INPP5A: variants seen among roughly 807,000 people sequenced by gnomAD.
INPP5A encodes the protein 43 kDa inositol polyphosphate 5-phophatase.
INPP5A carries 14 observed loss-of-function variants against 65.2 expected under a neutral mutation model. The observed-to-expected ratio is 0.21, with a 90% CI of 0.14 to 0.34. INPP5A has a LOEUF of 0.34. Among genes scored for constraint, INPP5A ranks in the 10% least tolerant of loss-of-function variants. The pLI, the probability that INPP5A is intolerant of heterozygous loss-of-function variation, is 1.00. For missense variants in INPP5A, 431 were observed against 545.6 expected (o/e 0.79, Z 2.09); for synonymous variants, 207 against 208.3 (o/e 0.99, Z 0.05).
At chr10:132,768,317 G>A (rs183209274) in intron 12 of INPP5A, among the ~76,000 whole-genome samples, 2 of 141,508 alleles carry the variant, frequency 1.4e-5, no homozygotes, top group Non-Finnish European at 3.0e-5. Context: ...GGGTGCCCAC[G>A]CGCCCAGTTG....
chr10:132,764,860 C>T (rs1846810600), intron 11 of INPP5A, among the ~76,000 whole-genome samples: 1 of 141,894 alleles, frequency 7.0e-6, no homozygotes, highest in East Asian at 2.1e-4. Context: ...CCGGGTCAGT[C>T]CTGCTGTGGT....
intron 2 of INPP5A, among the ~76,000 whole-genome samples, chr10:132,641,601 G>A (rs2072428259): frequency 6.6e-6 from 1 of 152,222 alleles, no homozygotes. Context: ...TAACTCACCT[G>A]CAGTCTGTTC....
chr10:132,719,011 CG>C (rs1845804462), intron 8 of INPP5A, among the ~76,000 whole-genome samples: 1 of 145,286 alleles, frequency 6.9e-6, no homozygotes, highest in African/African-American at 2.6e-5. Context: ...GCGCCTTAGA[CG>C]ACTGTCTTGC....
At chr10:132,596,836 C>A (rs540189724) in intron 1 of INPP5A, among the ~76,000 whole-genome samples, 1 of 141,040 alleles carries the variant, frequency 7.1e-6, no homozygotes, top group Non-Finnish European at 1.6e-5. Flanking sequence ...TGCTTGTGTG[C>A]GTGTGTGCAT....
intron 1 of INPP5A, among the ~76,000 whole-genome samples, chr10:132,589,722 G>A (rs558199665): frequency 6.6e-6 from 1 of 152,240 alleles, no homozygotes; most frequent in African/African-American, 2.4e-5. Flanking sequence ...CCTCCCAAAC[G>A]GTGTTGTCTC....
In INPP5A at chr10:132,637,163, G is replaced by A. The variant is rs913455340; in HGVS notation, c.118-8705G>A. 6.6e-6 allele frequency among the ~76,000 whole-genome samples: 1 copy of A among 152,142 alleles called. No homozygotes were observed. The highest frequency in any genetic ancestry group is 2.4e-5 in the African/African-American group (1 of 41,416). ...GATCTCCTGACCTTGTGGTTGATCC[G>A]CCCGCTGCCTCGGCCTCCCAAAGTG... On this transcript the variant is annotated intron_variant, in intron 2 of 15. Coordinates refer to ENST00000368594, the MANE Select transcript of INPP5A (RefSeq NM_005539.5). This position sits in a 1 kb window ranked among gnomAD's most constrained non-coding sequence, Gnocchi z 4.1.
chr10:132,710,629 G>C (rs1200648132), intron 8 of INPP5A, among the ~76,000 whole-genome samples, 173 bp downstream of exon 8: 3 of 151,582 alleles, frequency 2.0e-5, no homozygotes, highest in African/African-American at 4.9e-5. Context: ...AGGTATGGAT[G>C]GCAGGTAGGT....
At chr10:132,677,836 G>T (rs1011642700) in intron 4 of INPP5A, among the ~76,000 whole-genome samples, 1 of 152,230 alleles carries the variant, frequency 6.6e-6, no homozygotes, top group Non-Finnish European at 1.5e-5. Flanking sequence ...CCGTGACAGG[G>T]TTCAGCAACC....
chr10:132,630,612 G>GACGTCCATGAGGGGAAT (rs2133372923), intron 2 of INPP5A, among the ~76,000 whole-genome samples: 3 of 145,726 alleles, frequency 2.1e-5, no homozygotes, highest in African/African-American at 7.9e-5. Context: ...ATGAGGGGAA[G>GACGTCCATGAGGGGAAT]ACATCCATGA....
chr10:132,567,159 C>G (rs527275601), intron 1 of INPP5A, among the ~76,000 whole-genome samples: 37 of 152,320 alleles, frequency 2.4e-4, no homozygotes, highest in African/African-American at 8.9e-4. Flanking sequence ...TCCCCTGTCT[C>G]CATCCGGCCA....
At chr10:132,607,389 G>A (rs531422840) in intron 1 of INPP5A, among the ~76,000 whole-genome samples, 2 of 152,364 alleles carry the variant, frequency 1.3e-5, no homozygotes, top group East Asian at 1.9e-4. Context: ...GATTCTGACA[G>A]TTGTGACGGA....
chr10:132,719,421 G>A (rs1255140151), intron 8 of INPP5A, among the ~76,000 whole-genome samples: 10 of 141,566 alleles, frequency 7.1e-5, no homozygotes, highest in East Asian at 2.3e-4. Context: ...ACCTTAGACG[G>A]CTGTCTTCAG....
At chr10:132,553,070 A>G (rs1488571613) in intron 1 of INPP5A, among the ~76,000 whole-genome samples, 13 of 111,274 alleles carry the variant, frequency 1.2e-4, no homozygotes, top group African/African-American at 1.8e-4. Context: ...TGGAATATTG[A>G]GTAGGACAGG....
chr10:132,717,572 C>T (rs904957315), intron 8 of INPP5A, among the ~76,000 whole-genome samples: 1 of 150,288 alleles, frequency 6.7e-6, no homozygotes, highest in African/African-American at 2.5e-5. Flanking sequence ...CTGAGGGCGC[C>T]TTAGACGGCT....
intron 9 of INPP5A, among the ~76,000 whole-genome samples, chr10:132,745,436 C>T (rs367899763): frequency 1.1e-4 from 16 of 152,212 alleles, no homozygotes; most frequent in African/African-American, 3.6e-4. Flanking sequence ...TCCCAGCCTT[C>T]GAGCCTGATT....
At chr10:132,604,517 G>A (rs181826723) in intron 1 of INPP5A, among the ~76,000 whole-genome samples, 1 of 152,216 alleles carries the variant, frequency 6.6e-6, no homozygotes, top group Non-Finnish European at 1.5e-5. Context: ...GTGAGGTTTG[G>A]GGGGAAAGGG....
chr10:132,737,197 T>C (rs1175907128), intron 9 of INPP5A, among the ~76,000 whole-genome samples: 3 of 152,238 alleles, frequency 2.0e-5, no homozygotes, highest in South Asian at 2.1e-4. Flanking sequence ...CCCACAGCCA[T>C]GAGCGGACTC....
chr10:132,540,645 A>G (rs1242260232), intron 1 of INPP5A, among the ~76,000 whole-genome samples: 3 of 152,226 alleles, frequency 2.0e-5, no homozygotes, highest in Non-Finnish European at 4.4e-5. Flanking sequence ...AAGGAAATTC[A>G]TGAGTGAAGG....
At chr10:132,601,460 C>G (rs1033024599) in intron 1 of INPP5A, among the ~76,000 whole-genome samples, 5 of 152,192 alleles carry the variant, frequency 3.3e-5, no homozygotes, top group Admixed American at 6.5e-5. Context: ...TGTCTTTCAT[C>G]CTATTGATAG....
Sources: gnomAD v4.1 joint callset for allele counts (sites outside exome capture counted in the v4.1 genomes callset) on GRCh38, gnomAD v4.1.1 for gene constraint, Gnocchi (gnomAD v3.1) non-coding constraint, MANE v1.5 for transcripts, NCBI Gene and HGNC (gene_info 2026-07-23, HGNC 2026-07-21) for gene names.